Variants in AOPEP observed in about 807,000 individuals in gnomAD.
The protein encoded by AOPEP is aminopeptidase O.
In AOPEP, 77 loss-of-function variants were observed where a neutral mutation model predicts 98.1. That is an observed-to-expected ratio of 0.78 (90% CI 0.65 to 0.95). The LOEUF is 0.95. Ranked by LOEUF, AOPEP falls within the 40% of genes least tolerant of loss-of-function variation. The pLI is 0.00. For synonymous variants in AOPEP, 346 were observed against 365.3 expected (o/e 0.95, Z 0.60); for missense variants, 1,024 against 1,024.7 (o/e 1.00, Z 0.01).
At chr9:95,082,741 C>G in intron 16 of AOPEP, 22 bp downstream of exon 16, 1 of 1,613,432 alleles carries the variant, frequency 6.2e-7, no homozygotes, top group Non-Finnish European at 8.5e-7. Flanking sequence ...CCTTTCCTTT[C>G]TGTCATTTAG....
rs142231946 is a variant in AOPEP, at chr9:94,825,476, A to G, written c.1364+24474A>G. On this transcript the variant is annotated intron_variant, in intron 5 of 16. Transcript: ENST00000375315. ...GGAAACATACATCTTTATTTGTTAAACAAGTAGTGTTGTGTGAGCCTTGGT... is the reference window on the plus strand; with the variant it reads ...GGAAACATACATCTTTATTTGTTAAGCAAGTAGTGTTGTGTGAGCCTTGGT... Among the ~76,000 whole-genome samples, 84 of 152,376 alleles carry G rather than the reference A, an allele frequency of 5.5e-4. 2 individuals are homozygous for G. In the South Asian group the frequency reaches 0.016, roughly 29 times the overall value.
Position 94,980,740 on chromosome 9 carries a change from T to TG in AOPEP, c.1977+1318dup, listed in dbSNP as rs771643574. On this transcript the variant is annotated intron_variant, in intron 11 of 16. Transcript: ENST00000375315. The surrounding 1 kb of genome is among the most constrained non-coding windows in gnomAD (Gnocchi z 4.3). Reference sequence around the variant, plus strand: ...GGGGTAGGACAAGGCAGTGCGTGGTTGGGGGCAGCGCCTTTCACTCACGTG... The same window carrying TG: ...GGGGTAGGACAAGGCAGTGCGTGGTTGGGGGGCAGCGCCTTTCACTCACGTG... Among the ~76,000 whole-genome samples, 22 of 152,158 alleles carry TG rather than the reference T, an allele frequency of 1.4e-4. No individual in the cohort carries two copies. Among genetic ancestry groups the TG allele is most frequent in the Non-Finnish European group, 2.6e-4 (18 of 68,018 alleles).
chr9:94,972,585 A>G lies in AOPEP; in HGVS notation c.1916+4784A>G, dbSNP rs1358576509. On this transcript the variant is annotated intron_variant, in intron 10 of 16. Coordinates refer to ENST00000375315, the MANE Select transcript of AOPEP (RefSeq NM_001193329.3). This position sits in a 1 kb window ranked among gnomAD's most constrained non-coding sequence, Gnocchi z 4.2. Reference sequence around the variant, plus strand: ...CACGGAGCTACACAGTACTTGTTTTATAAGTGTGACCTCAGCAATCTTTAT... The same window carrying G: ...CACGGAGCTACACAGTACTTGTTTTGTAAGTGTGACCTCAGCAATCTTTAT... Among the ~76,000 whole-genome samples the G allele has an allele frequency of 2.6e-5, 4 of 152,188 alleles. No individual in the cohort carries two copies. Among genetic ancestry groups the G allele is most frequent in the Non-Finnish European group, 5.9e-5 (4 of 68,038 alleles).
At chr9:94,988,312 G>T (rs2060649382) in intron 11 of AOPEP, among the ~76,000 whole-genome samples, 1 of 152,194 alleles carries the variant, frequency 6.6e-6, no homozygotes, top group Admixed American at 6.5e-5. Flanking sequence ...ACGTTGGGAA[G>T]TCGGCAGGGA....
rs75648835 is a variant in AOPEP, at chr9:94,980,734, C to T, written c.1977+1307C>T. Among the ~76,000 whole-genome samples, 14 of 152,314 alleles carry T rather than the reference C, an allele frequency of 9.2e-5. No individual in the cohort carries two copies. Among genetic ancestry groups the T allele is most frequent in the African/African-American group, 2.6e-4 (11 of 41,584 alleles). On this transcript the variant is annotated intron_variant, in intron 11 of 16. Coordinates refer to ENST00000375315, the MANE Select transcript of AOPEP (RefSeq NM_001193329.3). The surrounding 1 kb of genome is among the most constrained non-coding windows in gnomAD (Gnocchi z 4.3). The stretch of plus-strand genomic sequence containing the variant: ...AGACCAGGGGTAGGACAAGGCAGTG[C>T]GTGGTTGGGGGCAGCGCCTTTCACT...
intron 5 of AOPEP, among the ~76,000 whole-genome samples, chr9:94,854,492 G>A (rs2043943041): frequency 6.6e-6 from 1 of 152,142 alleles, no homozygotes; most frequent in Non-Finnish European, 1.5e-5. Context: ...GGTATGTGAG[G>A]GCAGAGACCA....
intron 1 of AOPEP, among the ~76,000 whole-genome samples, chr9:94,741,360 C>T (rs1307872612): frequency 6.6e-6 from 1 of 151,956 alleles, no homozygotes. Flanking sequence ...GCAAGCTCCG[C>T]CTCCCAGGTT....
rs1027428847 is a variant in AOPEP at position 94,852,997 on chromosome 9, C to A, written c.1364+51995C>A. Among the ~76,000 whole-genome samples, 14 of 152,064 alleles carry A rather than the reference C, an allele frequency of 9.2e-5. No individual in the cohort carries two copies. In the East Asian group the frequency reaches 2.5e-3, roughly 27 times the overall value. ...GGGCAAAAGCAGAGATAGAATGAAT[C>A]GAGTAAATATTAGAATTCATAAAAA... On this transcript the variant is annotated intron_variant, in intron 5 of 16. Coordinates refer to ENST00000375315, the MANE Select transcript of AOPEP (RefSeq NM_001193329.3).
At chr9:94,981,855 G>T (rs1426137686) in intron 11 of AOPEP, among the ~76,000 whole-genome samples, 1 of 152,218 alleles carries the variant, frequency 6.6e-6, no homozygotes, top group Non-Finnish European at 1.5e-5. Flanking sequence ...TGTTCTACTG[G>T]TGGAGTTTTC....
At chr9:95,116,250 G>GT in the AOPEP span, among the ~76,000 whole-genome samples, 2 of 152,326 alleles carry the variant, frequency 1.3e-5, no homozygotes, top group Non-Finnish European at 2.9e-5. Context: ...TGACCTAAGC[G>GT]TAAGGTGAAC....
intron 4 of AOPEP, among the ~76,000 whole-genome samples, chr9:94,794,527 TTC>T (rs1846478997): frequency 6.6e-6 from 1 of 152,240 alleles, no homozygotes; most frequent in African/African-American, 2.4e-5. Context: ...TGAAGCTATG[TTC>T]TCTCTCTTCT....
chr9:95,099,143 G>A, the AOPEP span: 6 of 214,864 alleles, frequency 2.8e-5, no homozygotes, highest in Non-Finnish European at 5.6e-5. Flanking sequence ...AGATGTCACG[G>A]AGTCCAGGGG....
intron 11 of AOPEP, among the ~76,000 whole-genome samples, chr9:94,989,253 C>A (rs921672548): frequency 6.6e-6 from 1 of 152,018 alleles, no homozygotes; most frequent in African/African-American, 2.4e-5. Context: ...AGGTGCCCGC[C>A]ACCTCATCTG....
chr9:94,825,291 G>T (rs1854245389), intron 5 of AOPEP, among the ~76,000 whole-genome samples: 1 of 152,180 alleles, frequency 6.6e-6, no homozygotes, highest in Admixed American at 6.5e-5. Flanking sequence ...GACCAGCCCC[G>T]CATCCTGCTG....
intron 6 of AOPEP, 60 bp from the exon 7 acceptor site, chr9:94,928,365 C>T: frequency 8.1e-7 from 1 of 1,241,902 alleles, no homozygotes; most frequent in East Asian, 2.6e-5. Flanking sequence ...GCCATTGCAC[C>T]AGGACCACAA....
At chr9:95,037,186 C>T (rs1284375958) in intron 13 of AOPEP, among the ~76,000 whole-genome samples, 1 of 151,980 alleles carries the variant, frequency 6.6e-6, no homozygotes, top group Non-Finnish European at 1.5e-5. Context: ...TATGAAGTTT[C>T]AGGATAATTT....
chr9:95,041,119 C>CA (rs1227817635), intron 13 of AOPEP, among the ~76,000 whole-genome samples: 1 of 151,482 alleles, frequency 6.6e-6, no homozygotes, highest in African/African-American at 2.4e-5. Flanking sequence ...AACAGGCTCT[C>CA]ACGTTTTACC....
At chr9:95,028,634 G>A (rs1022968611) in intron 13 of AOPEP, among the ~76,000 whole-genome samples, 1 of 152,190 alleles carries the variant, frequency 6.6e-6, no homozygotes, top group African/African-American at 2.4e-5. Context: ...CTCTTTTGCA[G>A]TGAGAATGCA....
the AOPEP span, chr9:95,150,148 T>C: frequency 1.4e-5 from 22 of 1,584,700 alleles, no homozygotes; most frequent in Middle Eastern, 3.3e-4. Flanking sequence ...TAAGGACATA[T>C]AAAAACCTTC....
Sources: gnomAD v4.1 joint callset for allele counts (sites outside exome capture counted in the v4.1 genomes callset) on GRCh38, gnomAD v4.1.1 for gene constraint, Gnocchi (gnomAD v3.1) non-coding constraint, MANE v1.5 for transcripts, NCBI Gene and HGNC (gene_info 2026-07-23, HGNC 2026-07-21) for gene names.